CCDC178: variants seen among roughly 807,000 people sequenced by gnomAD.
CCDC178 encodes coiled-coil domain-containing protein 178.
CCDC178 carries 126 observed loss-of-function variants against 117.4 expected under a neutral mutation model. The ratio of observed to expected loss-of-function variants is 1.07; its 90% CI spans 0.93 to 1.24. The LOEUF (loss-of-function observed/expected upper bound fraction) is 1.24. Among genes scored for constraint, CCDC178 ranks in the 50% most tolerant of loss-of-function variants. CCDC178 has a pLI of 0.00. For missense variants in CCDC178, 1,030 were observed against 986.9 expected, an observed-to-expected ratio of 1.04 and a Z score of -0.59; for synonymous variants, 283 against 313.4, an observed-to-expected ratio of 0.90 and a Z score of 1.02.
intron 21 of CCDC178, among the ~76,000 whole-genome samples, chr18:33,087,548 A>T (rs2057398239): frequency 6.7e-6 from 1 of 148,922 alleles, no homozygotes; most frequent in Non-Finnish European, 1.5e-5. Context: ...TTTTCTAAGA[A>T]ACAGGGGCCA....
intron 14 of CCDC178, among the ~76,000 whole-genome samples, chr18:33,259,653 C>G (rs9959364): frequency 6.6e-6 from 1 of 151,936 alleles, no homozygotes; most frequent in Non-Finnish European, 1.5e-5. Context: ...TTCAATCACC[C>G]CCCCCCACCA....
chr18:33,397,726 A>G (rs1052099189), intron 3 of CCDC178, among the ~76,000 whole-genome samples: 5 of 152,178 alleles, frequency 3.3e-5, no homozygotes, highest in African/African-American at 1.2e-4. Flanking sequence ...GTGATTAAAG[A>G]GAGTTTACAT....
At position 33,271,325 on chromosome 18, in the gene CCDC178, C is replaced by T. The variant is rs536361765; in HGVS notation, c.1177-4028G>A. 2.6e-5 allele frequency among the ~76,000 whole-genome samples: 4 copies of T among 151,342 alleles called. No homozygotes were observed. In the South Asian group the frequency reaches 8.3e-4, roughly 31 times the overall value. ...ACGGAATGAGTTTGAAGGAAATGGT[C>T]CTATCATATACGGTTCACAAAAGAC... On this transcript the variant is annotated intron_variant, in intron 12 of 22. Transcript: ENST00000383096.
intron 20 of CCDC178, among the ~76,000 whole-genome samples, chr18:33,119,024 T>C (rs977636183): frequency 6.6e-6 from 1 of 152,124 alleles, no homozygotes; most frequent in East Asian, 1.9e-4. Flanking sequence ...TTACACCTTA[T>C]ACAAAAATTA....
chr18:33,038,353 T>C (rs1247096907), intron 21 of CCDC178, among the ~76,000 whole-genome samples: 1 of 151,998 alleles, frequency 6.6e-6, no homozygotes, highest in African/African-American at 2.4e-5. Context: ...GTCATAAATA[T>C]TTAAGACATT....
At chr18:32,993,739 C>A (rs977846535) in intron 21 of CCDC178, among the ~76,000 whole-genome samples, 1 of 152,070 alleles carries the variant, frequency 6.6e-6, no homozygotes, top group African/African-American at 2.4e-5. Context: ...AGGGCAGGGT[C>A]AATGTGATGT....
chr18:33,366,562 T>C (rs1226093075), intron 6 of CCDC178, among the ~76,000 whole-genome samples: 2 of 152,080 alleles, frequency 1.3e-5, no homozygotes, highest in East Asian at 3.9e-4. Context: ...GAGATGTATA[T>C]ATACAGATAT....
At chr18:33,289,880 T>C (rs938903574) in intron 12 of CCDC178, among the ~76,000 whole-genome samples, 1 of 152,174 alleles carries the variant, frequency 6.6e-6, no homozygotes, top group African/African-American at 2.4e-5. Flanking sequence ...GTTAAAGATA[T>C]TGAGTATGCT....
At chr18:33,090,803 T>C (rs993406375) in intron 21 of CCDC178, among the ~76,000 whole-genome samples, 3 of 152,190 alleles carry the variant, frequency 2.0e-5, no homozygotes, top group African/African-American at 2.4e-5. Context: ...AGTGATTCGT[T>C]TGAGGGATCA....
intron 2 of CCDC178, among the ~76,000 whole-genome samples, chr18:33,416,156 G>A (rs775067401): frequency 1.3e-5 from 2 of 152,288 alleles, no homozygotes; most frequent in East Asian, 3.9e-4. Flanking sequence ...GGCCGGGAGC[G>A]ATGGCTCACG....
chr18:33,239,178 T>C (rs766391746), intron 15 of CCDC178, among the ~76,000 whole-genome samples: 4 of 151,894 alleles, frequency 2.6e-5, no homozygotes, highest in Admixed American at 6.6e-5. Context: ...TGCAAAACTA[T>C]AAGACTCACT....
intron 7 of CCDC178, among the ~76,000 whole-genome samples, chr18:33,354,318 T>G (rs566550463): frequency 2.8e-4 from 43 of 152,158 alleles, no homozygotes; most frequent in Non-Finnish European, 5.4e-4. Context: ...ATGCATAGAT[T>G]TAAGTCTTTC....
At chr18:33,057,215 T>A (rs9966700) in intron 21 of CCDC178, among the ~76,000 whole-genome samples, 2 of 152,060 alleles carry the variant, frequency 1.3e-5, no homozygotes, top group South Asian at 4.1e-4. Context: ...TTTATTTCAA[T>A]AAAGCACACA....
intron 22 of CCDC178, among the ~76,000 whole-genome samples, chr18:32,945,318 G>C (rs570658940): frequency 1.3e-5 from 2 of 152,204 alleles, no homozygotes; most frequent in African/African-American, 4.8e-5. Context: ...TTGTGAATAT[G>C]AACATACTCC....
intron 9 of CCDC178, among the ~76,000 whole-genome samples, chr18:33,337,380 C>T (rs1331059661): frequency 5.3e-5 from 8 of 151,986 alleles, no homozygotes; most frequent in Admixed American, 3.9e-4. Context: ...CCTCTTTACC[C>T]ATCTGGATAC....
chr18:33,048,941 A>T (rs1484806897), intron 21 of CCDC178, among the ~76,000 whole-genome samples: 8 of 152,136 alleles, frequency 5.3e-5, no homozygotes, highest in African/African-American at 1.4e-4. Flanking sequence ...CATCCCTATC[A>T]CACCACAGAA....
At chr18:33,356,687 G>C (rs1357259928) in intron 6 of CCDC178, among the ~76,000 whole-genome samples, 2 of 151,866 alleles carry the variant, frequency 1.3e-5, no homozygotes, top group African/African-American at 4.8e-5. Context: ...GAAATCTTAA[G>C]ATAAACAAAA....
intron 14 of CCDC178, among the ~76,000 whole-genome samples, chr18:33,263,638 AT>A (rs1205272609): frequency 1.3e-5 from 2 of 152,094 alleles, no homozygotes; most frequent in Non-Finnish European, 2.9e-5. Context: ...TACATTCTGT[AT>A]TTTCCAAATT....
At chr18:33,174,893 G>C (rs461106) in intron 20 of CCDC178, among the ~76,000 whole-genome samples, 24,492 of 151,558 alleles carry the variant, frequency 0.16, 2,758 homozygotes, top group African/African-American at 0.32. Flanking sequence ...TTACTCTTAT[G>C]TCCCAGGCTG....
Sources: gnomAD v4.1 joint callset for allele counts (sites outside exome capture counted in the v4.1 genomes callset) on GRCh38, gnomAD v4.1.1 for gene constraint, MANE v1.5 for transcripts, NCBI Gene and HGNC (gene_info 2026-07-23, HGNC 2026-07-21) for gene names.